BRD2: variants seen among roughly 807,000 people sequenced by gnomAD.
BRD2 encodes bromodomain-containing protein 2.
Under a neutral mutation model 79.1 loss-of-function variants are expected in BRD2, and 15 were observed. That is an observed-to-expected ratio of 0.19 (90% CI 0.13 to 0.29). The LOEUF is 0.29. Ranked by LOEUF, BRD2 falls within the 10% of genes least tolerant of loss-of-function variation. BRD2 has a pLI of 1.00. For synonymous variants in BRD2, 488 were observed against 358.6 expected, an observed-to-expected ratio of 1.36 and a Z score of -4.08; for missense variants, 1,053 against 991.3, an observed-to-expected ratio of 1.06 and a Z score of -0.84.
In BRD2 at chr6:32,974,625, G is replaced by A; in HGVS notation, c.193G>A (p.Glu65Lys). The stretch of plus-strand genomic sequence containing the variant: ...TACCCCTGCCAACCCACCACCCCCG[G>A]AGGTGTCCAATCCCAAAAAGCCAGG... ...QLTPANPPPP[E>K]VSNPKKPGRV... The change falls in exon 3 of 13, where the codon GAG (glutamate) becomes AAG (lysine). Residue 65 changes from glutamate to lysine, a missense_variant. Around this residue, in one of 5 missense-constraint regions of BRD2, gnomAD observed 413 missense variants for 335.1 expected, o/e 1.23. Transcript: ENST00000374825. 2 of 1,614,212 alleles carry A rather than the reference G, an allele frequency of 1.2e-6. No homozygotes were observed. Among genetic ancestry groups the A allele is most frequent in the Non-Finnish European group, 1.7e-6 (2 of 1,180,042 alleles).
In BRD2 at chr6:32,972,180, G is replaced by A. The variant is rs1261115218; in HGVS notation, c.-719G>A. ...CCTCCCCGCCTATATATAAAGGGCT[G>A]GCGCGGGGCTCGGCGGCGCCATTTC... On this transcript the variant is annotated 5_prime_UTR_variant, in exon 2 of 13. It introduces an in-frame stop codon into an upstream open reading frame of the 5' UTR. Transcript: ENST00000374825. 8.6e-6 allele frequency: 5 copies of A among 579,930 alleles called. No individual in the cohort carries two copies. The highest frequency in any genetic ancestry group is 3.1e-6 in the Non-Finnish European group (1 of 320,530). 35.9% of individuals were successfully genotyped at this position (579,930 alleles called of 1,614,324 possible). A position where few individuals can be genotyped will look rare whatever the true frequency, so the allele number is the denominator to read the frequency against.
At position 32,980,676 on chromosome 6, in the gene BRD2, CTCG is replaced by C. The variant is rs776522538; in HGVS notation, c.2373_2375del (p.Ser793del). On this transcript the variant is annotated inframe_deletion, in exon 13 of 13. Coordinates refer to ENST00000374825, the MANE Select transcript of BRD2 (RefSeq NM_005104.4). ...GCTCAGATTCCAGCTCCTCCTCTTCCTCGTCGTCGTCTTCAGACACCAGTGATT... is the reference window on the plus strand; with the variant it reads ...GCTCAGATTCCAGCTCCTCCTCTTCCTCGTCGTCTTCAGACACCAGTGATT... 401 of 1,613,138 alleles carry C rather than the reference CTCG, an allele frequency of 2.5e-4. 3 individuals carry two copies. Among genetic ancestry groups the C allele is most frequent in the East Asian group, 3.6e-4 (16 of 44,886 alleles).
At chr6:32,977,299 T>G (rs1351463954) in intron 7 of BRD2, 143 bp from the exon 8 acceptor site, 2 of 1,596,328 alleles carry the variant, frequency 1.3e-6, no homozygotes, top group South Asian at 1.1e-5. Flanking sequence ...TCCTTTGACT[T>G]CAAACTTGAA....
At position 32,972,236 on chromosome 6, in the gene BRD2, C is replaced by A. The variant is rs1266901511; in HGVS notation, c.-663C>A. On this transcript the variant is annotated 5_prime_UTR_variant, in exon 2 of 13. It adds an upstream start codon to the 5' untranslated region. Transcript: ENST00000374825. ...GGAGTGGAGCAGCCTCTAGAACGAG[C>A]TGGAGGATTCTGCCTACCGATACAG... 2.1e-6 allele frequency: 1 copy of A among 484,424 alleles called. No individual in the cohort carries two copies. The highest frequency in any genetic ancestry group is 3.8e-6 in the Non-Finnish European group (1 of 262,532). 30.0% of individuals were successfully genotyped at this position (484,424 alleles called of 1,614,324 possible).
At position 32,978,367 on chromosome 6, in the gene BRD2, C is replaced by T. The variant is rs1438502020; in HGVS notation, c.1820C>T (p.Pro607Leu). 29 of 1,612,442 alleles carry T rather than the reference C, an allele frequency of 1.8e-5. No homozygotes were observed. The highest frequency in any genetic ancestry group is 2.4e-5 in the Non-Finnish European group (28 of 1,179,860). The change falls in exon 10 of 13, where the codon CCT (proline) becomes CTT (leucine). Residue 607 changes from proline to leucine, a missense_variant. Transcript: ENST00000374825. ...SAALGPSGFG[P>L]SGGSGTKLPK... ...GCTTTAGGCCCTTCTGGCTTTGGACCTTCTGGAGGAAGTGGCACCAAGTGA... is the reference window on the plus strand; with the variant it reads ...GCTTTAGGCCCTTCTGGCTTTGGACTTTCTGGAGGAAGTGGCACCAAGTGA...
chr6:32,979,820 G>C lies in BRD2; in HGVS notation c.1842-8G>C, dbSNP rs544786231. The C allele has an allele frequency of 9.4e-6, 15 of 1,599,958 alleles. 1 individual carries two copies. In the South Asian group the frequency reaches 1.7e-4, roughly 18 times the overall value. The stretch of plus-strand genomic sequence containing the variant: ...GCTTCTTTTGCTGACAACTCTTTTT[G>C]CCCTTAGGCTCCCCAAAAAGGCCAC... On this transcript the variant is annotated splice_region_variant and splice_polypyrimidine_tract_variant and intron_variant, in intron 10 of 12. Transcript: ENST00000374825.
chr6:32,981,172 TG>T lies in BRD2; in HGVS notation c.*455del. The T allele has an allele frequency of 6.5e-6, 1 of 154,146 alleles. No homozygotes were observed. Among genetic ancestry groups the T allele is most frequent in the South Asian group, 1.9e-4 (1 of 5,236 alleles). The allele number at this position is 154,146 out of a possible 1,614,324, so 9.5% of individuals were successfully genotyped here. On this transcript the variant is annotated 3_prime_UTR_variant, in exon 13 of 13. Transcript: ENST00000374825. The stretch of plus-strand genomic sequence containing the variant: ...AGAAGGGGGAGCTCTTTTTTTACGT[TG>T]ATTTTTTTTTTTCTACTCTGTTTTC...
chr6:32,972,045 T>G lies in BRD2; in HGVS notation c.-854T>G, dbSNP rs764967811. The G allele has an allele frequency of 1.0e-5, 7 of 700,234 alleles. No individual in the cohort carries two copies. The highest frequency in any genetic ancestry group is 1.8e-5 in the African/African-American group (1 of 56,830). The allele number at this position is 700,234 out of a possible 1,614,324, so 43.4% of individuals were successfully genotyped here. A position where few individuals can be genotyped will look rare whatever the true frequency, so the allele number is the denominator to read the frequency against. ...AATAGAAAAAGCTCCCGCGGAGAGGTGTTCCTTCCCCTTCGACTCAGCTTC... is the reference window on the plus strand; with the variant it reads ...AATAGAAAAAGCTCCCGCGGAGAGGGGTTCCTTCCCCTTCGACTCAGCTTC... On this transcript the variant is annotated 5_prime_UTR_variant, in exon 2 of 13. Coordinates refer to ENST00000374825, the MANE Select transcript of BRD2 (RefSeq NM_005104.4).
chr6:32,971,613 C>G lies in BRD2; in HGVS notation c.-1286C>G. The G allele has an allele frequency of 2.2e-6, 1 of 456,004 alleles. No homozygotes were observed. Among genetic ancestry groups the G allele is most frequent in the East Asian group, 3.5e-5 (1 of 28,548 alleles). 28.2% of individuals were successfully genotyped at this position (456,004 alleles called of 1,614,324 possible). On this transcript the variant is annotated 5_prime_UTR_variant, in exon 2 of 13. Coordinates refer to ENST00000374825, the MANE Select transcript of BRD2 (RefSeq NM_005104.4). ...GTTTCAGATTCTTCGCTGCTGCTGCCTTACCGCCGAGAACCACCACCCGCC... is the reference window on the plus strand; with the variant it reads ...GTTTCAGATTCTTCGCTGCTGCTGCGTTACCGCCGAGAACCACCACCCGCC...
chr6:32,979,929 G>A lies in BRD2; in HGVS notation c.1943G>A (p.Arg648Gln). Residue 648 changes from arginine to glutamine, a missense_variant, in exon 11 of 13, where the codon CGG (arginine) becomes CAG (glutamine). Coordinates refer to ENST00000374825, the MANE Select transcript of BRD2 (RefSeq NM_005104.4). Reference protein sequence around the residue: ...ESRPMSYDEKRQLSLDINKLP... With the variant: ...ESRPMSYDEKQQLSLDINKLP... ...AGGCCCATGAGTTACGATGAGAAGCGGCAGCTGAGCCTGGACATCAACAAA... is the reference window on the plus strand; with the variant it reads ...AGGCCCATGAGTTACGATGAGAAGCAGCAGCTGAGCCTGGACATCAACAAA... 6.2e-7 allele frequency: 1 copy of A among 1,613,216 alleles called. No homozygotes were observed.
intron 4 of BRD2, 71 bp from the exon 5 acceptor site, chr6:32,975,960 A>C: frequency 6.0e-6 from 9 of 1,511,170 alleles, no homozygotes; most frequent in Non-Finnish European, 8.0e-6. Flanking sequence ...AATGCCTCTG[A>C]GAAAGATGGT....
Position 32,977,811 on chromosome 6 carries a change from C to T in BRD2, c.1384C>T (p.Pro462Ser), listed in dbSNP as rs199605967. 1.2e-6 allele frequency: 2 copies of T among 1,612,948 alleles called. No homozygotes were observed. Among genetic ancestry groups the T allele is most frequent in the African/African-American group, 1.3e-5 (1 of 74,914 alleles). ...GCCAGATGAACCACTAGAACCAGGGCCTTTACCAGTCTCTACTGCCATGCC... is the reference window on the plus strand; with the variant it reads ...GCCAGATGAACCACTAGAACCAGGGTCTTTACCAGTCTCTACTGCCATGCC... ...KMPDEPLEPGPLPVSTAMPPG... is the reference protein window; with the variant it reads ...KMPDEPLEPGSLPVSTAMPPG... The change falls in exon 9 of 13, where the codon CCT becomes TCT. Residue 462 changes from proline (P) to serine (S), a missense_variant. Pro to Ser is a moderately conservative substitution (Grantham distance 74). Transcript: ENST00000374825.
rs116719162 is a variant in BRD2, at chr6:32,973,027, T to C, written c.29+100T>C. The C allele has an allele frequency of 1.7e-3, 2,760 of 1,612,308 alleles. 39 individuals carry two copies. In the African/African-American group the frequency reaches 0.032, roughly 19 times the overall value. Reference sequence around the variant, plus strand: ...GGAGTACTGAGCGGCCCCGGCGCGCTGCTGTTGCGGCGCAGCTGTCGACTC... The same window carrying C: ...GGAGTACTGAGCGGCCCCGGCGCGCCGCTGTTGCGGCGCAGCTGTCGACTC... On this transcript the variant is annotated intron_variant, in intron 2 of 12. Coordinates refer to ENST00000374825, the MANE Select transcript of BRD2 (RefSeq NM_005104.4).
At chr6:32,975,866 TTAG>T (rs1314267456) in intron 4 of BRD2, among the ~76,000 whole-genome samples, 162 bp from the exon 5 acceptor site, 1 of 146,706 alleles carries the variant, frequency 6.8e-6, no homozygotes, top group African/African-American at 2.5e-5. Context: ...AAAGTGGAAA[TTAG>T]TAGTGGCCTG....
chr6:32,969,297 C>T lies in BRD2; in HGVS notation c.-1305+241C>T, dbSNP rs573572716. 683 of 713,062 alleles carry T rather than the reference C, an allele frequency of 9.6e-4. 4 individuals are homozygous for T. In the African/African-American group the frequency reaches 0.011, roughly 12 times the overall value. The allele number at this position is 713,062 out of a possible 1,614,324, so 44.2% of individuals were successfully genotyped here. A position where few individuals can be genotyped will look rare whatever the true frequency, so the allele number is the denominator to read the frequency against. ...ATTGGAGGGCAAAGGGGTTAGGGGG[C>T]GGTGTGGCCCCCCCTATTCCATTCG... On this transcript the variant is annotated intron_variant, in intron 1 of 12. Transcript: ENST00000374825.
chr6:32,975,891 T>C, intron 4 of BRD2, 140 bp from the exon 5 acceptor site: 1 of 1,072,814 alleles, frequency 9.3e-7, no homozygotes. Context: ...AGTAGGAAAT[T>C]TTCTTTAAGA....
chr6:32,975,521 G>A lies in BRD2; in HGVS notation c.471G>A (p.Lys157=). 1 of 1,610,950 alleles carries A rather than the reference G, an allele frequency of 6.2e-7. No individual in the cohort carries two copies. Among genetic ancestry groups the A allele is most frequent in the Non-Finnish European group, 8.5e-7 (1 of 1,179,488 alleles). Residue 157 remains lysine, a splice_region_variant and synonymous_variant, in exon 4 of 13, where the codon AAG becomes AAA. Transcript: ENST00000374825. The part of the protein sequence containing the change: ...TMFTNCYIYN[K]PTDDIVLMAQ... ...TCACCAACTGTTACATTTACAACAA[G>A]GTGAGTTTTTCTGTGTGTTCATTTA...
chr6:32,977,377 T>C (rs1778904021), intron 7 of BRD2, 65 bp from the exon 8 acceptor site: 1 of 1,612,214 alleles, frequency 6.2e-7, no homozygotes, highest in East Asian at 2.2e-5. Context: ...TTGTGGTGTC[T>C]GGGGTTGGCA....
Position 32,980,122 on chromosome 6 carries a change from G to C in BRD2, c.2136G>C (p.Arg712=). 1 of 1,611,726 alleles carries C rather than the reference G, an allele frequency of 6.2e-7. No homozygotes were observed. The highest frequency in any genetic ancestry group is 8.5e-7 in the Non-Finnish European group (1 of 1,179,742). Residue 712 remains arginine, a synonymous_variant, in exon 11 of 13, where the codon CGG becomes CGC. Coordinates refer to ENST00000374825, the MANE Select transcript of BRD2 (RefSeq NM_005104.4). ...TTTCCTGCCTACGTAAGAAACCCCGGAAGCCCTACAGTACGTATGAAATGA... is the reference window on the plus strand; with the variant it reads ...TTTCCTGCCTACGTAAGAAACCCCGCAAGCCCTACAGTACGTATGAAATGA... ...YVLSCLRKKP[R]KPYTIKKPVG... is the part of the protein sequence containing the mutation.
Sources: allele counts gnomAD v4.1 joint callset (sites outside exome capture counted in the v4.1 genomes callset), GRCh38; gene constraint gnomAD v4.1.1; regional missense constraint gnomAD v4.1.1; transcripts MANE v1.5; gene names NCBI Gene and HGNC (gene_info 2026-07-23, HGNC 2026-07-21).